SATL1: variants seen among roughly 807,000 people sequenced by gnomAD.
SATL1 encodes spermidine/spermine N1-acetyl transferase like 1, also known as spermidine/spermine N(1)-acetyltransferase-like protein 1.
A neutral mutation model predicts 51.8 loss-of-function variants in SATL1; 47 were observed. The observed-to-expected ratio is 0.91, with a 90% CI of 0.72 to 1.16. The LOEUF is 1.16. SATL1 is among the 50% of genes most tolerant of loss of function. The probability of loss-of-function intolerance (pLI) is 0.00; values close to 1 mark genes in which losing one functional copy is unlikely to be tolerated. For missense variants in SATL1, 520 were observed against 526.4 expected (o/e 0.99, Z 0.12); for synonymous variants, 176 against 182.4 (o/e 0.97, Z 0.28).
chrX:85,151,651 G>A (rs2147721904), intron 2 of SATL1, among the ~76,000 whole-genome samples: 1 of 111,162 alleles, frequency 9.0e-6, no homozygotes, highest in South Asian at 3.9e-4. Context: ...AGAGCCCTCA[G>A]AAATAATGCC....
At chrX:85,135,695 C>T (rs148839186) in intron 2 of SATL1, among the ~76,000 whole-genome samples, 3,492 of 107,178 alleles carry the variant, frequency 0.033, 83 homozygotes, top group Admixed American at 0.11. Context: ...CCTCAACCCC[C>T]GCACCTGAAG....
At chrX:85,187,419 A>C (rs1347363332) in intron 2 of SATL1, among the ~76,000 whole-genome samples, 1 of 111,453 alleles carries the variant, frequency 9.0e-6, no homozygotes, top group Admixed American at 9.6e-5. Flanking sequence ...CTTAGAGAAA[A>C]ATATTTCAGT....
chrX:85,172,530 T>G (rs993438165), intron 2 of SATL1, among the ~76,000 whole-genome samples: 4 of 111,198 alleles, frequency 3.6e-5, no homozygotes, highest in African/African-American at 1.3e-4. Context: ...GAAAGTGCTT[T>G]CCTTTATTCT....
chrX:85,198,982 C>T (rs1001252584), intron 2 of SATL1, among the ~76,000 whole-genome samples: 5 of 109,511 alleles, frequency 4.6e-5, no homozygotes, highest in Admixed American at 2.0e-4. Context: ...GGACTACAGG[C>T]GCACTCCACC....
Position 85,109,057 on chromosome X carries a change from G to T in SATL1, c.-89C>A. The stretch of plus-strand genomic sequence containing the variant: ...TGATTGGCTGATGGCTGTCTTGATG[G>T]AACAGAATCCCTTAACTGTGCTGTG... On this transcript the variant is annotated 5_prime_UTR_variant, in exon 3 of 8. Coordinates refer to ENST00000644105, the MANE Select transcript of SATL1 (RefSeq NM_001367857.2). 1 of 873,162 alleles carries T rather than the reference G, an allele frequency of 1.1e-6. No homozygotes were observed. The highest frequency in any genetic ancestry group is 1.6e-6 in the Non-Finnish European group (1 of 620,690). 72.0% of individuals were successfully genotyped at this position (873,162 alleles called of 1,213,427 possible).
chrX:85,213,664 A>G (rs192589402), intron 2 of SATL1, among the ~76,000 whole-genome samples: 2 of 111,932 alleles, frequency 1.8e-5, no homozygotes, highest in African/African-American at 6.5e-5. Context: ...GGAAACACAG[A>G]TTTGTAGTTT....
In SATL1 at chrX:85,238,192, A is replaced by C. The variant is rs191223903; in HGVS notation, c.-435+5396T>G. Among the ~76,000 whole-genome samples, 9 of 111,721 alleles carry C rather than the reference A, an allele frequency of 8.1e-5. No homozygotes were observed. In the Admixed American group the frequency reaches 8.5e-4, roughly 11 times the overall value. ...TAAAAGTAGAGCTACCATATAATCT[A>C]GCAATCTCACTGCTATATATATACC... On this transcript the variant is annotated intron_variant, in intron 1 of 7. Coordinates refer to ENST00000644105, the MANE Select transcript of SATL1 (RefSeq NM_001367857.2).
At chrX:85,151,044 C>T (rs1348958304) in intron 2 of SATL1, among the ~76,000 whole-genome samples, 1 of 110,159 alleles carries the variant, frequency 9.1e-6, no homozygotes, top group African/African-American at 3.3e-5. Flanking sequence ...TTGCAGATGA[C>T]ATGATTGTAT....
At chrX:85,125,519 A>AGTGTGTGTGTGTGTGT (rs72067285) in intron 2 of SATL1, among the ~76,000 whole-genome samples, 1 of 98,612 alleles carries the variant, frequency 1.0e-5, no homozygotes, top group African/African-American at 3.7e-5. Flanking sequence ...CACATAGGAA[A>AGTGTGTGTGTGTGTGT]GTGTGTGTGT....
At chrX:85,212,587 A>T (rs1483826465) in intron 2 of SATL1, 2 of 112,062 alleles carry the variant, frequency 1.8e-5, no homozygotes, top group African/African-American at 6.5e-5. Context: ...CACAGAATAT[A>T]GTCATAACAT....
Position 85,101,642 on chromosome X carries a change from A to C in SATL1, c.1693+2222T>G, listed in dbSNP as rs767330592. Among the ~76,000 whole-genome samples the C allele has an allele frequency of 4.5e-5, 5 of 111,960 alleles. No individual in the cohort carries two copies. In the East Asian group the frequency reaches 1.4e-3, roughly 31 times the overall value. Reference sequence around the variant, plus strand: ...ATGGAAGCTCCTCAGAAAAACCCCCAAATTATCATATGATCCAGCTATTCC... The same window carrying C: ...ATGGAAGCTCCTCAGAAAAACCCCCCAATTATCATATGATCCAGCTATTCC... On this transcript the variant is annotated intron_variant, in intron 4 of 7. Transcript: ENST00000644105.
In SATL1 at chrX:85,118,087, C is replaced by CTT. The variant is rs747093188; in HGVS notation, c.-312-8809_-312-8808dup. ...TTTTGCAAATAAAAAAAGAACTTAG[C>CTT]TTTTTTTTTTTTTTTTCCAGAGTGC... On this transcript the variant is annotated intron_variant, in intron 2 of 7. Coordinates refer to ENST00000644105, the MANE Select transcript of SATL1 (RefSeq NM_001367857.2). Among the ~76,000 whole-genome samples, 16 of 46,167 alleles carry CTT rather than the reference C, an allele frequency of 3.5e-4. 1 individual carries two copies. The highest frequency in any genetic ancestry group is 1.3e-3 in the East Asian group (2 of 1,572). 40.1% of individuals were successfully genotyped at this position (46,167 alleles called of 115,157 possible).
At chrX:85,139,201 A>G (rs1316294083) in intron 2 of SATL1, among the ~76,000 whole-genome samples, 1 of 111,276 alleles carries the variant, frequency 9.0e-6, no homozygotes, top group Non-Finnish European at 1.9e-5. Flanking sequence ...AAGTATTTAA[A>G]TGGAGAGGAG....
chrX:85,135,660 C>T (rs1227642115), intron 2 of SATL1, among the ~76,000 whole-genome samples: 1 of 107,052 alleles, frequency 9.3e-6, no homozygotes, highest in African/African-American at 3.5e-5. Context: ...CTGCCTCGAC[C>T]TCCCAGACTC....
chrX:85,148,581 C>G (rs1926327822), intron 2 of SATL1, among the ~76,000 whole-genome samples: 1 of 111,095 alleles, frequency 9.0e-6, no homozygotes, highest in Admixed American at 9.6e-5. Context: ...TCGGGTTACC[C>G]ACAAAGGGAA....
rs191836905 is a variant in SATL1, at chrX:85,243,656, C to G, written c.-503G>C. ...TAGGGCCGATACATTTTTTTTTTAA[C>G]GTCGTCCAACATCTATTAGAGGTTC... On this transcript the variant is annotated 5_prime_UTR_variant, in exon 1 of 8. Coordinates refer to ENST00000644105, the MANE Select transcript of SATL1 (RefSeq NM_001367857.2). 9.1e-5 allele frequency: 10 copies of G among 110,323 alleles called. No individual in the cohort carries two copies. In the East Asian group the frequency reaches 2.3e-3, roughly 25 times the overall value. 9.1% of individuals were successfully genotyped at this position (110,323 alleles called of 1,213,427 possible). A position where few individuals can be genotyped will look rare whatever the true frequency, so the allele number is the denominator to read the frequency against.
At chrX:85,178,359 T>A (rs1192166725) in intron 2 of SATL1, among the ~76,000 whole-genome samples, 1 of 111,071 alleles carries the variant, frequency 9.0e-6, no homozygotes, top group Non-Finnish European at 1.9e-5. Context: ...TCTAGCTCCA[T>A]GCTGACATAA....
chrX:85,153,532 G>A (rs1262785316), intron 2 of SATL1, among the ~76,000 whole-genome samples: 1 of 111,957 alleles, frequency 8.9e-6, no homozygotes, highest in Non-Finnish European at 1.9e-5. Flanking sequence ...CCTTCTGCAT[G>A]CTGACTCAGT....
intron 2 of SATL1, among the ~76,000 whole-genome samples, chrX:85,141,943 T>A (rs1179734867): frequency 9.4e-6 from 1 of 106,508 alleles, no homozygotes; most frequent in Non-Finnish European, 1.9e-5. Flanking sequence ...GCATGTATAT[T>A]TTCATAATAT....
Sources: allele counts gnomAD v4.1 joint callset (sites outside exome capture counted in the v4.1 genomes callset), GRCh38; gene constraint gnomAD v4.1.1; transcripts MANE v1.5; gene names NCBI Gene and HGNC (gene_info 2026-07-23, HGNC 2026-07-21).